Variants in PADI4 observed in about 807,000 individuals in gnomAD.
The protein encoded by PADI4 is protein-arginine deiminase type-4.
PADI4 carries 62 observed loss-of-function variants against 75.0 expected under a neutral mutation model. The observed-to-expected ratio is 0.83, with a 90% CI of 0.67 to 1.02. The LOEUF (loss-of-function observed/expected upper bound fraction) is 1.02. PADI4 is among the 50% of genes least tolerant of loss of function. The probability of loss-of-function intolerance (pLI) is 0.00; values close to 1 mark genes in which losing one functional copy is unlikely to be tolerated. For synonymous variants in PADI4, 361 were observed against 348.1 expected (o/e 1.04, Z -0.41); for missense variants, 845 against 850.5 (o/e 0.99, Z 0.08).
intron 1 of PADI4, among the ~76,000 whole-genome samples, chr1:17,318,522 A>C (rs2073978533): frequency 6.6e-6 from 1 of 152,142 alleles, no homozygotes; most frequent in South Asian, 2.1e-4. Context: ...AGAAATTCTA[A>C]ATGTCAAACT....
chr1:17,351,968 C>T (rs1440821298), intron 10 of PADI4, among the ~76,000 whole-genome samples: 16 of 56,010 alleles, frequency 2.9e-4, no homozygotes, highest in Non-Finnish European at 4.3e-4. Flanking sequence ...GAGAGGCGGC[C>T]AGGGAGGTGA....
intron 6 of PADI4, among the ~76,000 whole-genome samples, chr1:17,341,428 A>G (rs542995086): frequency 6.6e-6 from 1 of 152,256 alleles, no homozygotes; most frequent in African/African-American, 2.4e-5. Context: ...TTAAACTGAC[A>G]CTGATTTGGT....
chr1:17,363,229 C>G (rs2074871161), intron 15 of PADI4, among the ~76,000 whole-genome samples: 1 of 152,242 alleles, frequency 6.6e-6, no homozygotes, highest in African/African-American at 2.4e-5. Flanking sequence ...AGTGATCCTC[C>G]TCCCTCAGCC....
chr1:17,341,293 C>T (rs989925913), intron 6 of PADI4, among the ~76,000 whole-genome samples: 5 of 151,866 alleles, frequency 3.3e-5, no homozygotes, highest in African/African-American at 9.7e-5. Flanking sequence ...TAGAGATGGG[C>T]TTTCACCATG....
In PADI4 at chr1:17,356,089, G is replaced by A; in HGVS notation, c.1417G>A (p.Asp473Asn). The change falls in exon 12 of 16, where the codon GAC (aspartate) becomes AAC (asparagine). Residue 473 changes from aspartate (D) to asparagine (N), a missense_variant. Asp to Asn is a conservative substitution (Grantham distance 23). Coordinates refer to ENST00000375448, the MANE Select transcript of PADI4 (RefSeq NM_012387.3). This position sits in a 1 kb window ranked among gnomAD's most constrained non-coding sequence, Gnocchi z 4.1. Reference protein sequence around the residue: ...YSDWLSVGHVDEFLSFVPAPD... With the variant: ...YSDWLSVGHVNEFLSFVPAPD... The stretch of plus-strand genomic sequence containing the variant: ...TGACTGGCTGTCCGTGGGCCACGTG[G>A]ACGAGTTCCTGAGCTTTGTGCCAGC... The A allele has an allele frequency of 6.2e-7, 1 of 1,614,212 alleles. No individual in the cohort carries two copies. The highest frequency in any genetic ancestry group is 8.5e-7 in the Non-Finnish European group (1 of 1,180,036).
rs767919960 is a variant in PADI4, at chr1:17,341,944, G to A, written c.654G>A (p.Arg218=). 1.6e-5 allele frequency: 26 copies of A among 1,612,902 alleles called. No individual in the cohort carries two copies. The highest frequency in any genetic ancestry group is 2.1e-5 in the Non-Finnish European group (25 of 1,179,372). ...MDKVRVFQAT[R]GKLSSKCSVV... Reference sequence around the variant, plus strand: ...GAGTCTCCCCTGCCTCTCTCCTAGGGGGCAAACTGTCCTCCAAGTGCAGCG... The same window carrying A: ...GAGTCTCCCCTGCCTCTCTCCTAGGAGGCAAACTGTCCTCCAAGTGCAGCG... Residue 218 remains arginine (R), a splice_region_variant and synonymous_variant, in exon 7 of 16, where the codon CGG becomes CGA. Coordinates refer to ENST00000375448, the MANE Select transcript of PADI4 (RefSeq NM_012387.3).
chr1:17,310,251 T>A (rs1452588268), intron 1 of PADI4, among the ~76,000 whole-genome samples: 1 of 152,100 alleles, frequency 6.6e-6, no homozygotes, highest in African/African-American at 2.4e-5. Flanking sequence ...TCCAAGAAGT[T>A]AAGTAACCCA....
intron 1 of PADI4, among the ~76,000 whole-genome samples, chr1:17,313,036 A>G (rs1391136831): frequency 6.6e-6 from 1 of 152,036 alleles, no homozygotes; most frequent in Non-Finnish European, 1.5e-5. Context: ...CTAAAAATAC[A>G]AAAATTAGCT....
At position 17,350,203 on chromosome 1, in the gene PADI4, G is replaced by A. The variant is rs560689872; in HGVS notation, c.1155+2155G>A. 1.6e-5 allele frequency among the ~76,000 whole-genome samples: 2 copies of A among 128,722 alleles called. 1 individual carries two copies. Among genetic ancestry groups the A allele is most frequent in the East Asian group, 6.7e-4 (2 of 2,978 alleles). The allele number at this position is 128,722 out of a possible 152,430, so 84.4% of individuals were successfully genotyped here. On this transcript the variant is annotated intron_variant, in intron 10 of 15. Transcript: ENST00000375448. ...GCTGTTATGCCTTACGCTGTCCATC[G>A]GGCAGCTGGCACAAAGCTTCACACA...
intron 3 of PADI4, 39 bp downstream of exon 3, chr1:17,334,048 C>T: frequency 8.0e-7 from 1 of 1,253,876 alleles, no homozygotes; most frequent in Non-Finnish European, 1.2e-6. Flanking sequence ...CGTCTCATCC[C>T]CTGCCCACCT....
In PADI4 at chr1:17,330,847, C is replaced by T. The variant is rs1307137276; in HGVS notation, c.93-122C>T. 1.1e-5 allele frequency: 7 copies of T among 643,984 alleles called. No individual in the cohort carries two copies. The South Asian group carries it at 1.1e-4, about 11-fold the overall frequency. 39.9% of individuals were successfully genotyped at this position (643,984 alleles called of 1,614,324 possible). ...TACACCCAGAAAAAATACTTCGCAT[C>T]TTTCAGTCCAAACAAGCTGACACCT... On this transcript the variant is annotated intron_variant, in intron 1 of 15. Transcript: ENST00000375448.
At chr1:17,354,920 G>C (rs1012704510) in intron 11 of PADI4, among the ~76,000 whole-genome samples, 8 of 152,218 alleles carry the variant, frequency 5.3e-5, no homozygotes, top group Admixed American at 2.6e-4. Context: ...AATATTTACT[G>C]AGCATCCAAA....
chr1:17,334,004 G>GTGA lies in PADI4; in HGVS notation c.335_336insTGA (p.Gly112_Val113insGlu). 1.2e-6 allele frequency: 2 copies of GTGA among 1,606,410 alleles called. No individual in the cohort carries two copies. Among genetic ancestry groups the GTGA allele is most frequent in the Non-Finnish European group, 1.7e-6 (2 of 1,173,266 alleles). The stretch of plus-strand genomic sequence containing the variant: ...GTCAAAGCTCTACTCTACCTCACCG[G>GTGA]GGTGGGTAAGTGACAACCAGGATCC... On this transcript the variant is annotated inframe_insertion, in exon 3 of 16. Transcript: ENST00000375448.
chr1:17,332,190 T>G (rs574504534), intron 2 of PADI4, among the ~76,000 whole-genome samples: 14 of 152,306 alleles, frequency 9.2e-5, no homozygotes, highest in Admixed American at 1.3e-4. Context: ...ATAAGGGTAC[T>G]TGCCATGGGA....
At chr1:17,344,487 C>T (rs1032153440) in intron 8 of PADI4, among the ~76,000 whole-genome samples, 1 of 152,238 alleles carries the variant, frequency 6.6e-6, no homozygotes, top group African/African-American at 2.4e-5. Flanking sequence ...GTCTCCAGGG[C>T]ATGTCAGAGG....
At chr1:17,357,856 G>A (rs989579022) in intron 13 of PADI4, among the ~76,000 whole-genome samples, 4 of 151,478 alleles carry the variant, frequency 2.6e-5, no homozygotes, top group African/African-American at 7.3e-5. Context: ...ACTCGAACCC[G>A]GGAGGTGGAG....
intron 10 of PADI4, among the ~76,000 whole-genome samples, chr1:17,353,523 C>T (rs1302837145): frequency 6.6e-6 from 1 of 152,098 alleles, no homozygotes; most frequent in Non-Finnish European, 1.5e-5. Flanking sequence ...TCATGGCCCC[C>T]ATGAAGCCTC....
chr1:17,340,050 GCGCA>G (rs72455174), intron 6 of PADI4, among the ~76,000 whole-genome samples: 71,771 of 148,568 alleles, frequency 0.48, 17,892 homozygotes, highest in Middle Eastern at 0.59. Context: ...ACACACGCGC[GCGCA>G]CACACACACA....
At chr1:17,342,845 G>A (rs912736546) in intron 8 of PADI4, among the ~76,000 whole-genome samples, 52 of 152,084 alleles carry the variant, frequency 3.4e-4, no homozygotes, top group African/African-American at 1.0e-3. Context: ...GCGTGGTGGC[G>A]CATGCCTGTA....
Sources: gnomAD v4.1 joint callset for allele counts (sites outside exome capture counted in the v4.1 genomes callset) on GRCh38, gnomAD v4.1.1 for gene constraint, Gnocchi (gnomAD v3.1) non-coding constraint, MANE v1.5 for transcripts, NCBI Gene and HGNC (gene_info 2026-07-23, HGNC 2026-07-21) for gene names.